CERS3: variants seen among roughly 807,000 people sequenced by gnomAD.
CERS3 encodes the protein ceramide synthase 3.
In CERS3, 33 loss-of-function variants were observed where a neutral mutation model predicts 50.3. The ratio of observed to expected loss-of-function variants is 0.66; its 90% CI spans 0.50 to 0.88. The LOEUF is 0.88. Ranked by LOEUF, CERS3 falls within the 40% of genes least tolerant of loss-of-function variation. The pLI, the probability that CERS3 is intolerant of heterozygous loss-of-function variation, is 0.00. For missense variants in CERS3, 470 were observed against 460.3 expected, an observed-to-expected ratio of 1.02 and a Z score of -0.19; for synonymous variants, 176 against 155.2, an observed-to-expected ratio of 1.13 and a Z score of -0.99.
At chr15:100,451,373 A>G (rs1428876198) in intron 11 of CERS3, among the ~76,000 whole-genome samples, 1 of 151,920 alleles carries the variant, frequency 6.6e-6, no homozygotes, top group Non-Finnish European at 1.5e-5. Context: ...GACTCACTAT[A>G]TGCTGCCTAC....
intron 4 of CERS3, among the ~76,000 whole-genome samples, chr15:100,490,177 TA>T (rs1051957274): frequency 2.6e-5 from 4 of 152,328 alleles, no homozygotes; most frequent in African/African-American, 7.2e-5. Context: ...ACTTAGACAT[TA>T]TTTTTTTAAC....
rs548329989 is a variant in CERS3, at chr15:100,402,755, C to A, written c.1110G>T (p.Arg370Ser). The stretch of plus-strand genomic sequence containing the variant: ...CATTGGGAATGAGGTGCCTCTCAGC[C>A]CTGAGGCCGTTCTTTAAACAATCCA... ...KEMDCLKNGL[R>S]AERHLIPNGQ... is the part of the protein sequence containing the mutation. Residue 370 changes from arginine to serine, a missense_variant, in exon 12 of 12, where the codon AGG (arginine) becomes AGT (serine). Transcript: ENST00000679737. 3.4e-5 allele frequency: 55 copies of A among 1,614,168 alleles called. No homozygotes were observed. In the East Asian group the frequency reaches 1.0e-3, roughly 31 times the overall value.
At chr15:100,477,021 C>G (rs1424835453) in intron 7 of CERS3, among the ~76,000 whole-genome samples, 3 of 152,196 alleles carry the variant, frequency 2.0e-5, no homozygotes, top group African/African-American at 7.2e-5. Context: ...TAGACTTGAG[C>G]CATTCCCTAG....
At chr15:100,497,931 G>T (rs1170434284) in intron 3 of CERS3, among the ~76,000 whole-genome samples, 1 of 135,842 alleles carries the variant, frequency 7.4e-6, no homozygotes, top group East Asian at 2.2e-4. Context: ...GTCTCACTCT[G>T]TCGCCAGGCT....
intron 11 of CERS3, among the ~76,000 whole-genome samples, chr15:100,410,565 A>G (rs1173740178): frequency 6.6e-6 from 1 of 152,226 alleles, no homozygotes; most frequent in Non-Finnish European, 1.5e-5. Context: ...ACTGCCTCAC[A>G]TTCCAAGACT....
intron 11 of CERS3, among the ~76,000 whole-genome samples, chr15:100,430,805 G>A (rs1215998407): frequency 6.6e-6 from 1 of 152,078 alleles, no homozygotes; most frequent in Non-Finnish European, 1.5e-5. Flanking sequence ...AGTTGACAAG[G>A]TCACAGAAAA....
At chr15:100,451,394 T>C (rs1168919030) in intron 11 of CERS3, among the ~76,000 whole-genome samples, 2 of 151,876 alleles carry the variant, frequency 1.3e-5, no homozygotes, top group South Asian at 2.1e-4. Flanking sequence ...AAGAAGTTTA[T>C]TTCACCTGTG....
intron 11 of CERS3, among the ~76,000 whole-genome samples, chr15:100,407,625 G>T (rs374280372): frequency 1.3e-5 from 2 of 152,126 alleles, no homozygotes; most frequent in Admixed American, 1.3e-4. Flanking sequence ...TATACAGTTT[G>T]CCCTCCATAT....
chr15:100,527,091 C>T (rs539141085), intron 1 of CERS3, among the ~76,000 whole-genome samples: 46 of 151,998 alleles, frequency 3.0e-4, no homozygotes, highest in African/African-American at 1.0e-3. Context: ...GCCAGGAGAT[C>T]GAGACTAGAC....
chr15:100,449,311 C>T (rs1431410092), intron 11 of CERS3, among the ~76,000 whole-genome samples: 1 of 152,332 alleles, frequency 6.6e-6, no homozygotes, highest in East Asian at 1.9e-4. Flanking sequence ...CAATGCAGAC[C>T]ACTTGGGAGC....
At chr15:100,501,575 G>T (rs553786467) in intron 3 of CERS3, 102 bp downstream of exon 3, 1 of 1,037,410 alleles carries the variant, frequency 9.6e-7, no homozygotes, top group Non-Finnish European at 1.4e-6. Context: ...GGCAACCTCT[G>T]AACAACAGAT....
intron 11 of CERS3, among the ~76,000 whole-genome samples, chr15:100,411,423 A>G (rs1335899461): frequency 1.3e-5 from 2 of 152,000 alleles, no homozygotes; most frequent in African/African-American, 4.8e-5. Context: ...CGGGCTCCCA[A>G]AGTGTTGGGA....
intron 1 of CERS3, among the ~76,000 whole-genome samples, chr15:100,523,619 G>T (rs1847324): frequency 0.033 from 5,026 of 150,898 alleles, 154 homozygotes; most frequent in Admixed American, 0.094. Flanking sequence ...GAGAATGGCA[G>T]GAACCTAGGA....
At chr15:100,471,237 C>T (rs2034958019) in intron 9 of CERS3, among the ~76,000 whole-genome samples, 1 of 147,978 alleles carries the variant, frequency 6.8e-6, no homozygotes, top group South Asian at 2.1e-4. Flanking sequence ...TCTTCTTCTT[C>T]TTTTTTTTTT....
At chr15:100,492,422 T>C (rs979459086) in intron 3 of CERS3, among the ~76,000 whole-genome samples, 4 of 152,246 alleles carry the variant, frequency 2.6e-5, no homozygotes, top group African/African-American at 9.6e-5. Context: ...TTATATCATC[T>C]GGACAGATTT....
chr15:100,460,074 A>AT (rs1431535081), intron 10 of CERS3, among the ~76,000 whole-genome samples: 4 of 152,170 alleles, frequency 2.6e-5, no homozygotes, highest in Middle Eastern at 3.4e-3. Context: ...TTCAATACTG[A>AT]TTTTTTTGGC....
intron 11 of CERS3, among the ~76,000 whole-genome samples, chr15:100,414,031 A>G (rs750456898): frequency 4.6e-5 from 7 of 152,212 alleles, no homozygotes; most frequent in Non-Finnish European, 8.8e-5. Flanking sequence ...AAGAGCTGGT[A>G]CCAATCCTAC....
chr15:100,435,784 A>G (rs182403492), intron 11 of CERS3, among the ~76,000 whole-genome samples: 1 of 152,226 alleles, frequency 6.6e-6, no homozygotes, highest in African/African-American at 2.4e-5. Context: ...CAAGAAAAAA[A>G]CAAACAACCC....
intron 1 of CERS3, among the ~76,000 whole-genome samples, chr15:100,535,719 G>GAC (rs1162229769): frequency 2.0e-5 from 2 of 97,706 alleles, no homozygotes; most frequent in Non-Finnish European, 4.4e-5. Context: ...GTGAAGTGGG[G>GAC]ATATCCCTAT....
Sources: gnomAD v4.1 joint callset for allele counts (sites outside exome capture counted in the v4.1 genomes callset) on GRCh38, gnomAD v4.1.1 for gene constraint, MANE v1.5 for transcripts, NCBI Gene and HGNC (gene_info 2026-07-23, HGNC 2026-07-21) for gene names.